GATAD1: variants seen among roughly 807,000 people sequenced by gnomAD.
GATAD1 encodes the protein GATA zinc finger domain-containing protein 1.
In GATAD1, 12 loss-of-function variants were observed where a neutral mutation model predicts 26.5. The ratio of observed to expected loss-of-function variants is 0.45; its 90% confidence interval spans 0.29 to 0.73. The LOEUF (loss-of-function observed/expected upper bound fraction) is 0.73, where lower values mean the gene tolerates loss of function less well. GATAD1 is among the 30% of genes least tolerant of loss of function. GATAD1 has a pLI of 0.10. For synonymous variants in GATAD1, 129 were observed against 133.1 expected (o/e 0.97, Z 0.21); for missense variants, 266 against 342.1 (o/e 0.78, Z 1.75).
At chr7:92,454,315 G>GTGCA in intron 3 of GATAD1, 187 bp from the exon 4 acceptor site, 1 of 584,246 alleles carries the variant, frequency 1.7e-6, no homozygotes, top group Non-Finnish European at 3.0e-6. Flanking sequence ...GTATGTGTAT[G>GTGCA]TATAATTTTC....
At chr7:92,488,724 A>C in the GATAD1 span, among the ~76,000 whole-genome samples, 3 of 151,626 alleles carry the variant, frequency 2.0e-5, no homozygotes, top group Non-Finnish European at 4.4e-5. Flanking sequence ...CTTCGAAGTT[A>C]CTAAATTTTT....
chr7:92,460,929 G>GCA (rs367896680), downstream of GATAD1, among the ~76,000 whole-genome samples: 6,286 of 150,610 alleles, frequency 0.042, 159 homozygotes, highest in African/African-American at 0.056. Flanking sequence ...TTTACAATAA[G>GCA]CACACACACA....
the GATAD1 span, chr7:92,470,927 TC>T: frequency 6.0e-6 from 1 of 167,374 alleles, no homozygotes; most frequent in Non-Finnish European, 1.5e-5. Context: ...TTTTTAGATG[TC>T]CTTTGAGTGT....
At chr7:92,476,895 A>G in the GATAD1 span, among the ~76,000 whole-genome samples, 1 of 152,156 alleles carries the variant, frequency 6.6e-6, no homozygotes, top group Non-Finnish European at 1.5e-5. Flanking sequence ...TTGGAGATAC[A>G]ACTTGCTAGA....
At chr7:92,491,204 C>T in the GATAD1 span, 1 of 1,087,390 alleles carries the variant, frequency 9.2e-7, no homozygotes, top group South Asian at 1.3e-5. Flanking sequence ...GGAGAGAAAT[C>T]ACTGCAACTT....
downstream of GATAD1, among the ~76,000 whole-genome samples, chr7:92,461,898 A>G (rs979287643): frequency 6.6e-6 from 1 of 152,198 alleles, no homozygotes; most frequent in Non-Finnish European, 1.5e-5. Flanking sequence ...GTTGGGTCAC[A>G]CAGACCAACT....
At position 92,447,616 on chromosome 7, in the gene GATAD1, C is replaced by G; in HGVS notation, c.-114C>G. On this transcript the variant is annotated 5_prime_UTR_variant, in exon 1 of 5. Transcript: ENST00000287957. ...CCTTTCACCGGCAGCTCCGTGCCGA[C>G]GCTCTCACCGCTCTTCCTATCGCCG... 2 of 1,285,852 alleles carry G rather than the reference C, an allele frequency of 1.6e-6. No individual in the cohort carries two copies. The highest frequency in any genetic ancestry group is 4.0e-5 in the South Asian group (2 of 50,302). The allele number at this position is 1,285,852 out of a possible 1,614,324, so 79.7% of individuals were successfully genotyped here.
chr7:92,456,201 G>A (rs762433011), intron 4 of GATAD1, among the ~76,000 whole-genome samples, 171 bp from the exon 5 acceptor site: 4 of 152,132 alleles, frequency 2.6e-5, no homozygotes, highest in East Asian at 1.9e-4. Flanking sequence ...TCTTTAAGCC[G>A]TTAAAGAAGA....
chr7:92,472,959 C>T, the GATAD1 span: 1 of 152,202 alleles, frequency 6.6e-6, no homozygotes, highest in African/African-American at 2.4e-5. Flanking sequence ...TACCGAAGGA[C>T]AAGTGTCCAG....
At chr7:92,466,784 T>C in the GATAD1 span, among the ~76,000 whole-genome samples, 70 of 152,170 alleles carry the variant, frequency 4.6e-4, no homozygotes, top group Non-Finnish European at 8.5e-4. Flanking sequence ...TGATAATTGA[T>C]GTGACCACTT....
the GATAD1 span, among the ~76,000 whole-genome samples, chr7:92,476,029 G>T: frequency 1.3e-5 from 2 of 152,116 alleles, no homozygotes; most frequent in Non-Finnish European, 2.9e-5. Flanking sequence ...ACCCATTGTG[G>T]TTTTTTTCCT....
the GATAD1 span, chr7:92,489,467 T>C: frequency 1.3e-6 from 2 of 1,540,626 alleles, no homozygotes; most frequent in Non-Finnish European, 1.8e-6. Flanking sequence ...ATTAAGGATG[T>C]AAAAAAAAAT....
chr7:92,463,925 G>A (rs192362351), downstream of GATAD1, among the ~76,000 whole-genome samples: 219 of 152,156 alleles, frequency 1.4e-3, 2 homozygotes, highest in African/African-American at 4.8e-3. Context: ...TTGAGATTGC[G>A]CCACTGCACT....
the GATAD1 span, among the ~76,000 whole-genome samples, chr7:92,481,940 G>A: frequency 1.3e-5 from 2 of 152,206 alleles, no homozygotes; most frequent in Non-Finnish European, 2.9e-5. Context: ...GTAACAGATG[G>A]AGAAGAAATT....
chr7:92,469,373 T>C, the GATAD1 span: 1 of 768,652 alleles, frequency 1.3e-6, no homozygotes, highest in Non-Finnish European at 2.4e-6. Context: ...ATACCGCCAA[T>C]GCCAGTACCT....
the GATAD1 span, chr7:92,487,612 G>A: frequency 7.6e-6 from 5 of 654,748 alleles, no homozygotes; most frequent in South Asian, 4.4e-5. Context: ...ATGGATTGTT[G>A]GCAAACACAA....
intron 3 of GATAD1, chr7:92,454,033 A>G (rs1225148620): frequency 5.6e-6 from 1 of 178,392 alleles, no homozygotes; most frequent in Non-Finnish European, 1.1e-5. Context: ...GTCTTTGATG[A>G]TGCTATGTCA....
the GATAD1 span, among the ~76,000 whole-genome samples, chr7:92,485,166 A>G: frequency 1.3e-5 from 2 of 152,170 alleles, no homozygotes; most frequent in African/African-American, 4.8e-5. Flanking sequence ...TAAGGCAGGA[A>G]CAGGCCATTT....
chr7:92,449,710 T>A lies in GATAD1; in HGVS notation c.375+833T>A, dbSNP rs181406279. The A allele has an allele frequency of 9.0e-4, 550 of 613,162 alleles. 3 individuals are homozygous for A. Among genetic ancestry groups the A allele is most frequent in the African/African-American group, 7.7e-3 (384 of 49,974 alleles). 38.0% of individuals were successfully genotyped at this position (613,162 alleles called of 1,614,324 possible). On this transcript the variant is annotated intron_variant, in intron 2 of 4. Transcript: ENST00000287957. ...TTAATTTAATTTAATGAATTTTTTT[T>A]AATTTTACTTTAAGTTCTGGGATAC...
Sources: allele counts gnomAD v4.1 joint callset (sites outside exome capture counted in the v4.1 genomes callset), GRCh38; gene constraint gnomAD v4.1.1; transcripts MANE v1.5; gene names NCBI Gene and HGNC (gene_info 2026-07-23, HGNC 2026-07-21).